The following MITF variants were observed in gnomAD, a reference collection of about 807,000 sequenced individuals.
MITF encodes melanocyte inducing transcription factor, also known as microphthalmia-associated transcription factor.
A neutral mutation model predicts 60.5 loss-of-function variants in MITF; 17 were observed. The observed-to-expected ratio is 0.28, with a 90% CI of 0.19 to 0.42. The LOEUF is 0.42. Ranked by LOEUF, MITF falls within the 10% of genes least tolerant of loss-of-function variation. MITF has a pLI of 1.00. For missense variants in MITF, 622 were observed against 683.5 expected, an observed-to-expected ratio of 0.91 and a Z score of 1.00; for synonymous variants, 260 against 248.5, an observed-to-expected ratio of 1.05 and a Z score of -0.43.
intron 5 of MITF, among the ~76,000 whole-genome samples, chr3:69,947,585 G>A (rs905638814): frequency 2.0e-5 from 3 of 152,080 alleles, no homozygotes; most frequent in South Asian, 2.1e-4. Context: ...AAATGACCAC[G>A]ATGTCTATTT....
chr3:69,965,167 T>G lies in MITF; in HGVS notation c.1500T>G (p.Leu500=), dbSNP rs1559756916. ...LSPVGVTDPL[L]SSVSPGASKT... ...CCGTCGGTGTCACTGATCCACTCCT[T>G]TCCTCAGTGTCCCCCGGAGCTTCCA... The change falls in exon 10 of 10, where the codon CTT becomes CTG. Residue 500 remains leucine (L), a synonymous_variant. Transcript: ENST00000352241. 6.2e-7 allele frequency: 1 copy of G among 1,613,960 alleles called. No homozygotes were observed. The highest frequency in any genetic ancestry group is 2.2e-5 in the East Asian group (1 of 44,858).
chr3:69,796,065 G>A (rs7636802), intron 1 of MITF, among the ~76,000 whole-genome samples: 1 of 151,388 alleles, frequency 6.6e-6, no homozygotes, highest in East Asian at 1.9e-4. Flanking sequence ...CACTGCAGCC[G>A]CCGTCTCCTG....
In MITF at chr3:69,783,487, G is replaced by GATAT. The variant is rs149413358; in HGVS notation, c.104+43800_104+43803dup. 4.5e-3 allele frequency among the ~76,000 whole-genome samples: 657 copies of GATAT among 145,768 alleles called. 3 individuals carry two copies. The highest frequency in any genetic ancestry group is 4.4e-3 in the East Asian group (22 of 5,016). On this transcript the variant is annotated intron_variant, in intron 1 of 9. Coordinates refer to ENST00000352241, the MANE Select transcript of MITF (RefSeq NM_001354604.2). ...GGAGATATTTATATATGATATGTAG[G>GATAT]ATATATATATATATATAATTTATAT...
In MITF at chr3:69,868,089, G is replaced by A. The variant is rs547079914; in HGVS notation, c.105-11045G>A. Among the ~76,000 whole-genome samples the A allele has an allele frequency of 2.3e-4, 35 of 152,268 alleles. 1 individual carries two copies. The highest frequency in any genetic ancestry group is 3.7e-4 in the Non-Finnish European group (25 of 68,028). ...GAAAGTAACTTGTCAGCTTTGACTC[G>A]TTTTTAGATATTAAGATGTTCAGCA... On this transcript the variant is annotated intron_variant, in intron 1 of 9. Transcript: ENST00000352241.
chr3:69,831,409 T>C (rs544221880), intron 1 of MITF, among the ~76,000 whole-genome samples: 2 of 152,344 alleles, frequency 1.3e-5, no homozygotes, highest in South Asian at 2.1e-4. Context: ...CCCCTTGCCA[T>C]GCAAAGGAAG....
chr3:69,903,611 C>G (rs924128401), intron 2 of MITF, among the ~76,000 whole-genome samples: 4 of 152,010 alleles, frequency 2.6e-5, no homozygotes, highest in African/African-American at 9.7e-5. Flanking sequence ...AGCCTTGTCA[C>G]TGGGGGCTTT....
chr3:69,884,562 T>G (rs1353689907), intron 2 of MITF, among the ~76,000 whole-genome samples: 5 of 152,148 alleles, frequency 3.3e-5, no homozygotes, highest in Non-Finnish European at 7.4e-5. Flanking sequence ...TGCACGGCAC[T>G]GAGTGGCAGC....
At chr3:69,833,925 G>A (rs1296510890) in intron 1 of MITF, among the ~76,000 whole-genome samples, 2 of 152,204 alleles carry the variant, frequency 1.3e-5, no homozygotes, top group Non-Finnish European at 2.9e-5. Flanking sequence ...CCTCTTTCAT[G>A]CACTACTGTG....
intron 9 of MITF, among the ~76,000 whole-genome samples, chr3:69,962,154 A>G (rs1270620647): frequency 1.3e-5 from 2 of 152,230 alleles, no homozygotes; most frequent in Admixed American, 6.5e-5. Context: ...TTCTGAAAAG[A>G]CAATCTGCCT....
chr3:69,811,251 C>T (rs1318016081), intron 1 of MITF, among the ~76,000 whole-genome samples: 2 of 152,252 alleles, frequency 1.3e-5, no homozygotes, highest in African/African-American at 4.8e-5. Flanking sequence ...CGAGTATTTA[C>T]ATGTTATGGC....
intron 5 of MITF, among the ~76,000 whole-genome samples, chr3:69,944,202 T>C (rs866732288): frequency 3.9e-5 from 6 of 152,258 alleles, no homozygotes; most frequent in Middle Eastern, 6.8e-3. Flanking sequence ...GTTCCGAAAG[T>C]ATATTAAAGA....
At chr3:69,884,478 A>G (rs2064563429) in intron 2 of MITF, among the ~76,000 whole-genome samples, 1 of 152,092 alleles carries the variant, frequency 6.6e-6, no homozygotes, top group Non-Finnish European at 1.5e-5. Flanking sequence ...ACTCTTCCCT[A>G]TGTGCAGTGA....
intron 2 of MITF, among the ~76,000 whole-genome samples, chr3:69,906,530 T>A (rs1159087396): frequency 2.0e-5 from 3 of 152,196 alleles, no homozygotes; most frequent in Non-Finnish European, 4.4e-5. Context: ...TTCTACTAGT[T>A]ATCTTTCTCT....
intron 1 of MITF, among the ~76,000 whole-genome samples, chr3:69,819,207 GT>G (rs1209110269): frequency 1.3e-5 from 2 of 152,150 alleles, no homozygotes; most frequent in East Asian, 3.8e-4. Flanking sequence ...GTTAGCTTGT[GT>G]TTTCTATAAC....
rs113551331 is a variant in MITF at position 69,896,471 on chromosome 3, G to A, written c.354+17088G>A. 7.6e-3 allele frequency among the ~76,000 whole-genome samples: 1,153 copies of A among 152,262 alleles called. 9 individuals are homozygous for A. The highest frequency in any genetic ancestry group is 0.026 in the African/African-American group (1,080 of 41,536). On this transcript the variant is annotated intron_variant, in intron 2 of 9. Transcript: ENST00000352241. ...ATCCGTGGTCTACCTTTTGAGAGAG[G>A]AAGCAGGAGCCCCAGTGTTTAAGGC...
At chr3:69,837,840 A>G (rs898222901) in intron 1 of MITF, among the ~76,000 whole-genome samples, 3 of 152,218 alleles carry the variant, frequency 2.0e-5, no homozygotes, top group Non-Finnish European at 4.4e-5. Flanking sequence ...ACTATACTGT[A>G]TATGATCTCT....
chr3:69,759,918 C>T (rs2062186572), intron 1 of MITF, among the ~76,000 whole-genome samples: 1 of 152,166 alleles, frequency 6.6e-6, no homozygotes, highest in South Asian at 2.1e-4. Context: ...GCTGGGACTA[C>T]AGGCACCCGC....
chr3:69,949,082 A>T lies in MITF; in HGVS notation c.794A>T (p.Tyr265Phe). ...GTCTCGGGAAACTTGATTGATCTTT[A>T]TGGAAACCAAGGTCTGCCCCCACCA... The part of the protein sequence containing the change: ...LPVSGNLIDL[Y>F]GNQGLPPPGL... The change falls in exon 6 of 10, where the codon TAT becomes TTT. Residue 265 changes from tyrosine (Y) to phenylalanine (F), a missense_variant. This residue lies in a region of MITF where 215 missense variants were observed against 224.8 expected (regional missense o/e 0.96). Transcript: ENST00000352241. The T allele has an allele frequency of 6.2e-7, 1 of 1,613,650 alleles. No homozygotes were observed. Among genetic ancestry groups the T allele is most frequent in the Non-Finnish European group, 8.5e-7 (1 of 1,179,806 alleles).
intron 1 of MITF, among the ~76,000 whole-genome samples, chr3:69,789,788 A>G (rs2062709623): frequency 6.6e-6 from 1 of 152,158 alleles, no homozygotes; most frequent in Non-Finnish European, 1.5e-5. Flanking sequence ...CCCAGGAGGC[A>G]GAGGCTGCAA....
Sources: gnomAD v4.1 joint callset for allele counts (sites outside exome capture counted in the v4.1 genomes callset) on GRCh38, gnomAD v4.1.1 for gene constraint, gnomAD v4.1.1 regional missense constraint, MANE v1.5 for transcripts, NCBI Gene and HGNC (gene_info 2026-07-23, HGNC 2026-07-21) for gene names.